CNTN1: variants seen among roughly 807,000 people sequenced by gnomAD.
CNTN1 encodes the protein contactin 1.
Under a neutral mutation model 126.4 loss-of-function variants are expected in CNTN1, and 38 were observed. The observed-to-expected ratio is 0.30, with a 90% CI of 0.23 to 0.39. The LOEUF (loss-of-function observed/expected upper bound fraction) is 0.39. CNTN1 is among the 10% of genes least tolerant of loss of function. CNTN1 has a pLI of 1.00. For missense variants in CNTN1, 1,009 were observed against 1,248.4 expected, an observed-to-expected ratio of 0.81 and a Z score of 2.89; for synonymous variants, 413 against 422.6, an observed-to-expected ratio of 0.98 and a Z score of 0.28.
chr12:40,807,990 G>A (rs1169192798), intron 1 of CNTN1, among the ~76,000 whole-genome samples: 1 of 152,044 alleles, frequency 6.6e-6, no homozygotes, highest in Non-Finnish European at 1.5e-5. Context: ...CAAATTCTTT[G>A]TTTACTTAGA....
Position 40,959,108 on chromosome 12 carries a change from T to C in CNTN1, c.1684-6T>C. ...TGATTTGAATAATTGCTGTTTTTGC[T>C]AACAGCTGGATTCCAATGGGGAATT... On this transcript the variant is annotated splice_polypyrimidine_tract_variant and splice_region_variant and intron_variant, in intron 14 of 23. Coordinates refer to ENST00000551295, the MANE Select transcript of CNTN1 (RefSeq NM_001843.4). 2 of 1,612,236 alleles carry C rather than the reference T, an allele frequency of 1.2e-6. No individual in the cohort carries two copies. The highest frequency in any genetic ancestry group is 1.1e-5 in the South Asian group (1 of 91,064).
At chr12:41,040,314 G>T (rs921724069) in intron 23 of CNTN1, among the ~76,000 whole-genome samples, 1 of 152,094 alleles carries the variant, frequency 6.6e-6, no homozygotes, top group Non-Finnish European at 1.5e-5. Flanking sequence ...CTTGATGAGT[G>T]AATAATATCT....
intron 1 of CNTN1, among the ~76,000 whole-genome samples, chr12:40,843,466 A>G (rs1450858985): frequency 1.3e-5 from 2 of 152,092 alleles, no homozygotes; most frequent in African/African-American, 2.4e-5. Context: ...ATCTTTTCAG[A>G]CTCCATGGAA....
At chr12:40,797,314 G>A (rs17541655) in intron 1 of CNTN1, among the ~76,000 whole-genome samples, 9,164 of 152,178 alleles carry the variant, frequency 0.06, 372 homozygotes, top group Admixed American at 0.082. Context: ...AAGGAAGACT[G>A]GTGGGAATAT....
chr12:41,045,508 A>G (rs1949522059), intron 23 of CNTN1, among the ~76,000 whole-genome samples: 1 of 152,168 alleles, frequency 6.6e-6, no homozygotes, highest in Non-Finnish European at 1.5e-5. Context: ...GAAATTTCTC[A>G]TAAATATTAC....
rs564340018 is a variant in CNTN1, at chr12:40,958,317, G to A, written c.1684-797G>A. Among the ~76,000 whole-genome samples the A allele has an allele frequency of 1.9e-3, 285 of 150,236 alleles. 2 individuals carry two copies. The highest frequency in any genetic ancestry group is 3.5e-3 in the Non-Finnish European group (237 of 67,618). ...TGTGTATGTGTGTGTGTGCCTGTAT[G>A]TGTGTATGTATGTGTATATGTGTGT... On this transcript the variant is annotated intron_variant, in intron 14 of 23. Coordinates refer to ENST00000551295, the MANE Select transcript of CNTN1 (RefSeq NM_001843.4).
intron 1 of CNTN1, among the ~76,000 whole-genome samples, chr12:40,806,291 A>C (rs1291441719): frequency 6.6e-6 from 1 of 152,112 alleles, no homozygotes; most frequent in Non-Finnish European, 1.5e-5. Context: ...CTTTAGCAGT[A>C]AGAGATTTCA....
intron 15 of CNTN1, among the ~76,000 whole-genome samples, chr12:40,980,466 C>G (rs1465921095): frequency 7.3e-6 from 1 of 136,996 alleles, no homozygotes; most frequent in Admixed American, 7.3e-5. Flanking sequence ...AAAAAAAAAG[C>G]CACAAAGAAC....
intron 1 of CNTN1, among the ~76,000 whole-genome samples, chr12:40,743,534 G>A (rs899994023): frequency 2.8e-4 from 43 of 151,978 alleles, no homozygotes; most frequent in African/African-American, 9.9e-4. Context: ...GGTAACAAAG[G>A]CTAAGTATTT....
chr12:41,002,933 C>G (rs1300312913), intron 17 of CNTN1, among the ~76,000 whole-genome samples: 1 of 152,050 alleles, frequency 6.6e-6, no homozygotes, highest in African/African-American at 2.4e-5. Context: ...TGTGTATGTC[C>G]TTTATTTCTC....
intron 1 of CNTN1, among the ~76,000 whole-genome samples, chr12:40,834,845 A>G (rs1468089234): frequency 1.3e-5 from 2 of 152,196 alleles, no homozygotes; most frequent in Admixed American, 6.5e-5. Flanking sequence ...AAATTTTAGT[A>G]TAAAATTTAA....
At chr12:41,042,551 T>C (rs1161970444) in intron 23 of CNTN1, among the ~76,000 whole-genome samples, 1 of 152,114 alleles carries the variant, frequency 6.6e-6, no homozygotes, top group African/African-American at 2.4e-5. Flanking sequence ...TGTGGGAGTC[T>C]AAGTCTCTTT....
At chr12:40,768,827 C>T (rs1414575124) in intron 1 of CNTN1, among the ~76,000 whole-genome samples, 1 of 152,040 alleles carries the variant, frequency 6.6e-6, no homozygotes, top group Non-Finnish European at 1.5e-5. Context: ...CTAGTGAGTC[C>T]CTTGTGTACA....
At chr12:40,926,851 G>C (rs764555438) in intron 6 of CNTN1, among the ~76,000 whole-genome samples, 4 of 152,098 alleles carry the variant, frequency 2.6e-5, no homozygotes, top group Non-Finnish European at 4.4e-5. Context: ...TTGACTTTAT[G>C]TGGTATATAA....
intron 1 of CNTN1, among the ~76,000 whole-genome samples, chr12:40,708,836 G>A (rs547135118): frequency 6.6e-6 from 1 of 152,204 alleles, no homozygotes; most frequent in African/African-American, 2.4e-5. Flanking sequence ...TGAGATTATA[G>A]CAATTCAGTC....
At chr12:40,790,635 C>T (rs759579576) in intron 1 of CNTN1, among the ~76,000 whole-genome samples, 5 of 152,066 alleles carry the variant, frequency 3.3e-5, no homozygotes, top group Non-Finnish European at 7.4e-5. Flanking sequence ...CAGTAAACTG[C>T]AGGCAAGAAG....
chr12:41,047,447 G>T (rs1302406431), intron 23 of CNTN1, among the ~76,000 whole-genome samples: 1 of 152,008 alleles, frequency 6.6e-6, no homozygotes, highest in Admixed American at 6.6e-5. Context: ...CAAAAGTGGT[G>T]GTTCTCTCTC....
chr12:40,973,929 ATT>A (rs1294442742), intron 15 of CNTN1, among the ~76,000 whole-genome samples: 1 of 151,384 alleles, frequency 6.6e-6, no homozygotes, highest in African/African-American at 2.5e-5. Flanking sequence ...AATCTTGATT[ATT>A]GATTAAGAAA....
At chr12:40,817,323 T>A (rs961914873) in intron 1 of CNTN1, among the ~76,000 whole-genome samples, 2 of 152,086 alleles carry the variant, frequency 1.3e-5, no homozygotes, top group Non-Finnish European at 2.9e-5. Context: ...TTATGAATCT[T>A]AGTGCTCCTC....
Sources: gnomAD v4.1 joint callset for allele counts (sites outside exome capture counted in the v4.1 genomes callset) on GRCh38, gnomAD v4.1.1 for gene constraint, MANE v1.5 for transcripts, NCBI Gene and HGNC (gene_info 2026-07-23, HGNC 2026-07-21) for gene names.